Variants in HEPH observed in about 807,000 individuals in gnomAD.
HEPH encodes hephaestin.
HEPH carries 69 observed loss-of-function variants against 80.8 expected under a neutral mutation model. The ratio of observed to expected loss-of-function variants is 0.85; its 90% CI spans 0.70 to 1.04. The LOEUF (loss-of-function observed/expected upper bound fraction) is 1.04. HEPH is among the 50% of genes least tolerant of loss of function. The pLI is 0.00. For synonymous variants in HEPH, 431 were observed against 322.8 expected (o/e 1.34, Z -3.60); for missense variants, 1,115 against 891.3 (o/e 1.25, Z -3.20).
chrX:66,189,732 C>T lies in HEPH; in HGVS notation c.857C>T (p.Ala286Val), dbSNP rs201752201. 8.3e-7 allele frequency: 1 copy of T among 1,210,810 alleles called. No individual in the cohort carries two copies. The highest frequency in any genetic ancestry group is 1.7e-5 in the African/African-American group (1 of 57,676). Residue 286 changes from alanine to valine, a missense_variant, in exon 6 of 21, where the codon GCA becomes GTA. Around this residue, in one of 3 missense-constraint regions of HEPH, gnomAD observed 391 missense variants for 343.6 expected, o/e 1.14. Transcript: ENST00000343002. The part of the protein sequence containing the change: ...FGNLPELNMC[A>V]QKRVAWHLFG... Reference sequence around the variant, plus strand: ...AATTTACCTGAGCTGAACATGTGTGCACAGAAACGTGTGGCCTGGCACTTG... The same window carrying T: ...AATTTACCTGAGCTGAACATGTGTGTACAGAAACGTGTGGCCTGGCACTTG...
intron 4 of HEPH, among the ~76,000 whole-genome samples, chrX:66,180,704 T>C (rs1389249829): frequency 4.2e-4 from 44 of 103,652 alleles, no homozygotes; most frequent in Non-Finnish European, 6.1e-4. Flanking sequence ...TTTTTTTTTT[T>C]TTTTAATTAT....
At chrX:66,235,710 A>G (rs1179042677) in intron 15 of HEPH, among the ~76,000 whole-genome samples, 1 of 112,058 alleles carries the variant, frequency 8.9e-6, no homozygotes, top group Non-Finnish European at 1.9e-5. Flanking sequence ...GAATTTTAAA[A>G]TAGTATTTTC....
intron 15 of HEPH, among the ~76,000 whole-genome samples, chrX:66,232,980 A>T (rs760577867): frequency 1.8e-5 from 2 of 110,976 alleles, no homozygotes; most frequent in Non-Finnish European, 3.8e-5. Flanking sequence ...CCTGTATACA[A>T]GTATATCAAT....
At position 66,258,913 on chromosome X, in the gene HEPH, G is replaced by C. The variant is rs367809871; in HGVS notation, c.2970G>C (p.Met990Ile). 8.6e-7 allele frequency: 1 copy of C among 1,168,499 alleles called. No individual in the cohort carries two copies. The highest frequency in any genetic ancestry group is 1.1e-6 in the Non-Finnish European group (1 of 872,130). The change falls in exon 18 of 21, where the codon ATG becomes ATC. Residue 990 changes from methionine to isoleucine, a missense_variant. By Grantham distance (10) the Met-to-Ile change is conservative (BLOSUM62 1). This residue lies in a region of HEPH where 716 missense variants were observed against 523.5 expected (regional missense o/e 1.37). Coordinates refer to ENST00000343002, the MANE Select transcript of HEPH (RefSeq NM_001367233.3). Reference sequence around the variant, plus strand: ...AAGGAGAACGAGTGGCCTGGTACATGCTGGCCATGGGCCAAGATGTGGATC... The same window carrying C: ...AAGGAGAACGAGTGGCCTGGTACATCCTGGCCATGGGCCAAGATGTGGATC... ...MYQGERVAWY[M>I]LAMGQDVDLH...
In HEPH at chrX:66,266,821, A is replaced by C. The variant is rs958758070; in HGVS notation, c.*149A>C. On this transcript the variant is annotated 3_prime_UTR_variant, in exon 21 of 21. Transcript: ENST00000343002. ...AGCTTATCTGGATATTTCTTTCTTTATTTATTTTACATGGAAATAATATGA... is the reference window on the plus strand; with the variant it reads ...AGCTTATCTGGATATTTCTTTCTTTCTTTATTTTACATGGAAATAATATGA... 28 of 430,124 alleles carry C rather than the reference A, an allele frequency of 6.5e-5. No homozygotes were observed. Among genetic ancestry groups the C allele is most frequent in the Middle Eastern group, 1.2e-3 (2 of 1,607 alleles). The allele number at this position is 430,124 out of a possible 1,213,427, so 35.4% of individuals were successfully genotyped here. A position where few individuals can be genotyped will look rare whatever the true frequency, so the allele number is the denominator to read the frequency against.
chrX:66,248,839 C>G (rs1210986854), intron 15 of HEPH, among the ~76,000 whole-genome samples: 4 of 111,636 alleles, frequency 3.6e-5, no homozygotes, highest in Non-Finnish European at 5.7e-5. Flanking sequence ...CAGGTTTCCA[C>G]TGGTTTTGGA....
chrX:66,232,387 C>G (rs1043853774), intron 15 of HEPH, among the ~76,000 whole-genome samples: 2 of 111,779 alleles, frequency 1.8e-5, no homozygotes, highest in Non-Finnish European at 3.8e-5. Flanking sequence ...AGGCATACAG[C>G]TTCTCCTGTA....
intron 18 of HEPH, 152 bp from the exon 19 acceptor site, chrX:66,259,948 G>T: frequency 2.5e-6 from 1 of 400,104 alleles, no homozygotes; most frequent in Non-Finnish European, 4.4e-6. Flanking sequence ...GGATGGTCTT[G>T]GTAAAGTGGA....
At chrX:66,203,624 G>A in intron 13 of HEPH, 47 bp downstream of exon 13, 3 of 1,082,325 alleles carry the variant, frequency 2.8e-6, no homozygotes, top group Non-Finnish European at 1.3e-6. Flanking sequence ...AAAACATTTT[G>A]CAAATGAGAA....
At chrX:66,218,463 T>C (rs2089491905) in intron 15 of HEPH, among the ~76,000 whole-genome samples, 1 of 111,998 alleles carries the variant, frequency 8.9e-6, no homozygotes, top group Admixed American at 9.5e-5. Flanking sequence ...AACAATGACA[T>C]CAAGATAGAA....
chrX:66,260,035 T>C, intron 18 of HEPH, 65 bp from the exon 19 acceptor site: 2 of 1,090,684 alleles, frequency 1.8e-6, no homozygotes, highest in Non-Finnish European at 2.5e-6. Context: ...TTTTGGTTCC[T>C]GAAAGCTCTA....
rs1034676291 is a variant in HEPH at position 66,258,641 on chromosome X, TAGAG to T, written c.2897-195_2897-192del. ...AATGATGTCATCAGATTCAGTCACT[TAGAG>T]AGATAATTTTGATAATATCAATGTA... On this transcript the variant is annotated intron_variant, in intron 17 of 20. Transcript: ENST00000343002. 1.3e-4 allele frequency among the ~76,000 whole-genome samples: 15 copies of T among 111,267 alleles called. No individual in the cohort carries two copies. The South Asian group carries it at 1.5e-3, about 11-fold the overall frequency.
At chrX:66,228,495 C>A (rs2089983457) in intron 15 of HEPH, among the ~76,000 whole-genome samples, 1 of 112,512 alleles carries the variant, frequency 8.9e-6, no homozygotes, top group Non-Finnish European at 1.9e-5. Flanking sequence ...GATCAAGAAC[C>A]CAAAAACAAA....
intron 4 of HEPH, among the ~76,000 whole-genome samples, chrX:66,181,944 T>G (rs1297595227): frequency 9.0e-6 from 1 of 110,789 alleles, no homozygotes; most frequent in East Asian, 2.9e-4. Context: ...CAGCACCATT[T>G]ATTAAATAGG....
intron 15 of HEPH, among the ~76,000 whole-genome samples, chrX:66,210,168 A>G (rs1602353972): frequency 8.9e-6 from 1 of 112,011 alleles, no homozygotes; most frequent in African/African-American, 3.2e-5. Context: ...ATGAGATTAC[A>G]GATGTTAAGA....
intron 12 of HEPH, 128 bp from the exon 13 acceptor site, chrX:66,203,236 C>T (rs953897182): frequency 3.9e-6 from 2 of 517,944 alleles, no homozygotes; most frequent in Non-Finnish European, 6.4e-6. Flanking sequence ...GTAGTTAAGG[C>T]AAGAGCCTTA....
At chrX:66,163,868 G>T (rs752404071), upstream of HEPH, among the ~76,000 whole-genome samples, 10 of 112,188 alleles carry the variant, frequency 8.9e-5, no homozygotes, top group Non-Finnish European at 1.7e-4. Flanking sequence ...ATAGGGCTTA[G>T]AATGTAGAAA....
rs2147457204 is a variant in HEPH at position 66,165,225 on chromosome X, TC to T, written c.-14+758del. 1.8e-5 allele frequency among the ~76,000 whole-genome samples: 2 copies of T among 112,285 alleles called. 1 individual carries two copies. Among genetic ancestry groups the T allele is most frequent in the Admixed American group, 1.9e-4 (2 of 10,600 alleles). On this transcript the variant is annotated intron_variant, in intron 1 of 20. Coordinates refer to ENST00000343002, the MANE Select transcript of HEPH (RefSeq NM_001367233.3). ...AGACAATCCTGTGAAAAAAATATCA[TC>T]CCATTTTTTGGATGAGATGACTAAG... is the stretch of plus-strand genomic sequence containing the variant.
At chrX:66,251,491 A>T (rs1445663282) in intron 15 of HEPH, among the ~76,000 whole-genome samples, 1 of 111,981 alleles carries the variant, frequency 8.9e-6, no homozygotes, top group Admixed American at 9.5e-5. Flanking sequence ...TGTCATTCTT[A>T]TATCTTGTGT....
Sources: gnomAD v4.1 joint callset for allele counts (sites outside exome capture counted in the v4.1 genomes callset) on GRCh38, gnomAD v4.1.1 for gene constraint, gnomAD v4.1.1 regional missense constraint, MANE v1.5 for transcripts, NCBI Gene and HGNC (gene_info 2026-07-23, HGNC 2026-07-21) for gene names.